Variants in UNC13C observed in about 807,000 individuals in gnomAD.
UNC13C encodes unc-13 homolog C.
In UNC13C, 174 loss-of-function variants were observed where a neutral mutation model predicts 245.4. The ratio of observed to expected loss-of-function variants is 0.71; its 90% CI spans 0.63 to 0.80. The LOEUF is 0.80. Among genes scored for constraint, UNC13C ranks in the 30% least tolerant of loss-of-function variants. The probability of loss-of-function intolerance (pLI) is 0.00; values close to 1 mark genes in which losing one functional copy is unlikely to be tolerated. For synonymous variants in UNC13C, 992 were observed against 895.1 expected, an observed-to-expected ratio of 1.11 and a Z score of -1.93; for missense variants, 2,829 against 2,602.9, an observed-to-expected ratio of 1.09 and a Z score of -1.89.
At chr15:53,945,040 G>C in the UNC13C span, among the ~76,000 whole-genome samples, 1 of 152,088 alleles carries the variant, frequency 6.6e-6, no homozygotes, top group African/African-American at 2.4e-5. Flanking sequence ...TTATATGCTT[G>C]TTGGCTGCAT....
intron 4 of UNC13C, among the ~76,000 whole-genome samples, chr15:54,203,119 A>G (rs1168704108): frequency 2.0e-5 from 3 of 152,050 alleles, no homozygotes; most frequent in South Asian, 2.1e-4. Context: ...AATCAAAACC[A>G]TAATGCAATA....
At chr15:54,145,412 G>C (rs887664305) in intron 4 of UNC13C, among the ~76,000 whole-genome samples, 1 of 152,026 alleles carries the variant, frequency 6.6e-6, no homozygotes, top group Non-Finnish European at 1.5e-5. Flanking sequence ...AAGTGATTAA[G>C]ATGTTATTTC....
At chr15:54,070,593 TA>T (rs1276908424) in intron 2 of UNC13C, among the ~76,000 whole-genome samples, 5 of 152,176 alleles carry the variant, frequency 3.3e-5, no homozygotes, top group African/African-American at 1.2e-4. Flanking sequence ...TTTTTAATCC[TA>T]AAAAATTTAC....
At chr15:54,236,031 AT>A (rs1164503505) in intron 5 of UNC13C, among the ~76,000 whole-genome samples, 2 of 151,478 alleles carry the variant, frequency 1.3e-5, no homozygotes, top group Non-Finnish European at 2.9e-5. Context: ...AAAAAAAAAA[AT>A]CATCGTGAAA....
the UNC13C span, among the ~76,000 whole-genome samples, chr15:53,878,089 G>A: frequency 1.3e-5 from 2 of 151,982 alleles, no homozygotes; most frequent in Non-Finnish European, 2.9e-5. Flanking sequence ...CATGAAACTT[G>A]CATTTTTTAA....
chr15:54,195,591 G>A (rs1156458055), intron 4 of UNC13C, among the ~76,000 whole-genome samples: 2 of 152,062 alleles, frequency 1.3e-5, no homozygotes, highest in African/African-American at 4.8e-5. Context: ...CAGGTACAAG[G>A]TAAGCCACGC....
At chr15:54,413,999 A>G (rs535383643) in intron 18 of UNC13C, among the ~76,000 whole-genome samples, 3 of 152,310 alleles carry the variant, frequency 2.0e-5, no homozygotes, top group South Asian at 2.1e-4. Flanking sequence ...CATTGGGCTT[A>G]TATTATTAAG....
At chr15:54,277,217 T>G (rs747895214) in intron 10 of UNC13C, among the ~76,000 whole-genome samples, 5 of 152,176 alleles carry the variant, frequency 3.3e-5, no homozygotes, top group Non-Finnish European at 7.4e-5. Context: ...CCTTTAGTCT[T>G]CATTATATGT....
At chr15:53,868,990 G>A in the UNC13C span, among the ~76,000 whole-genome samples, 5 of 152,102 alleles carry the variant, frequency 3.3e-5, no homozygotes, top group Non-Finnish European at 7.4e-5. Context: ...CATGCCTGTA[G>A]TCTGGGCTAC....
chr15:54,365,762 G>GA lies in UNC13C; in HGVS notation c.4714-27273dup, dbSNP rs796539719. ...TGCTCCCCGCTCAAAAAGAAAAAAAGAAAAAAAAAAAAACTTGACCCAAGA... is the reference window on the plus strand; with the variant it reads ...TGCTCCCCGCTCAAAAAGAAAAAAAGAAAAAAAAAAAAAACTTGACCCAAGA... On this transcript the variant is annotated intron_variant, in intron 17 of 32. Coordinates refer to ENST00000260323, the MANE Select transcript of UNC13C (RefSeq NM_001080534.3). 3.6e-3 allele frequency among the ~76,000 whole-genome samples: 481 copies of GA among 133,654 alleles called. 3 individuals carry two copies. Among genetic ancestry groups the GA allele is most frequent in the East Asian group, 0.026 (122 of 4,630 alleles). 87.7% of individuals were successfully genotyped at this position (133,654 alleles called of 152,430 possible). A position where few individuals can be genotyped will look rare whatever the true frequency, so the allele number is the denominator to read the frequency against.
intron 19 of UNC13C, among the ~76,000 whole-genome samples, chr15:54,490,823 TTAAG>T (rs1357649230): frequency 6.6e-6 from 1 of 152,114 alleles, no homozygotes; most frequent in African/African-American, 2.4e-5. Flanking sequence ...AGTATCCCAT[TTAAG>T]TAAGAAAAAT....
chr15:54,403,573 A>G (rs533807657), intron 18 of UNC13C, among the ~76,000 whole-genome samples: 1 of 151,906 alleles, frequency 6.6e-6, no homozygotes, highest in South Asian at 2.1e-4. Flanking sequence ...AAAATTAGCC[A>G]GGCATTTTGC....
chr15:54,156,302 C>A (rs11071051), intron 4 of UNC13C, among the ~76,000 whole-genome samples: 53 of 152,132 alleles, frequency 3.5e-4, no homozygotes, highest in Non-Finnish European at 2.2e-4. Flanking sequence ...ATCACTGTAA[C>A]GCCTACTCAT....
At chr15:54,118,216 A>C (rs561875193) in intron 2 of UNC13C, among the ~76,000 whole-genome samples, 1 of 151,930 alleles carries the variant, frequency 6.6e-6, no homozygotes, top group South Asian at 2.1e-4. Context: ...TTTCATAGTG[A>C]GTATATTTAA....
chr15:54,089,119 C>T (rs1213791484), intron 2 of UNC13C, among the ~76,000 whole-genome samples: 2 of 152,168 alleles, frequency 1.3e-5, no homozygotes, highest in African/African-American at 4.8e-5. Context: ...CTGCATGCTC[C>T]TGCTTTGATA....
At position 54,488,241 on chromosome 15, in the gene UNC13C, G is replaced by A. The variant is rs565671664; in HGVS notation, c.4934-6367G>A. Among the ~76,000 whole-genome samples the A allele has an allele frequency of 1.5e-3, 226 of 152,154 alleles. 3 individuals carry two copies. The highest frequency in any genetic ancestry group is 6.5e-4 in the African/African-American group (27 of 41,546). Reference sequence around the variant, plus strand: ...TAGTCTGTCATAGTTTAGAACCAACGTTTCCTGGTGATAAAATTTTGTGTT... The same window carrying A: ...TAGTCTGTCATAGTTTAGAACCAACATTTCCTGGTGATAAAATTTTGTGTT... On this transcript the variant is annotated intron_variant, in intron 19 of 32. Transcript: ENST00000260323.
chr15:54,291,795 C>A (rs183413793), intron 10 of UNC13C, among the ~76,000 whole-genome samples: 1 of 151,884 alleles, frequency 6.6e-6, no homozygotes, highest in Non-Finnish European at 1.5e-5. Flanking sequence ...TCATAATGAC[C>A]TATTTTATGC....
intron 2 of UNC13C, among the ~76,000 whole-genome samples, chr15:54,108,218 G>A (rs1297975517): frequency 1.3e-5 from 2 of 151,786 alleles, no homozygotes; most frequent in South Asian, 4.2e-4. Context: ...ACAGAGTCTC[G>A]CTCTGTCGCC....
chr15:54,303,735 G>T (rs190940038), intron 13 of UNC13C, among the ~76,000 whole-genome samples: 4 of 151,566 alleles, frequency 2.6e-5, no homozygotes. Flanking sequence ...CAAGGTGGTC[G>T]GGGCACAGCT....
Sources: allele counts gnomAD v4.1 joint callset (sites outside exome capture counted in the v4.1 genomes callset), GRCh38; gene constraint gnomAD v4.1.1; transcripts MANE v1.5; gene names NCBI Gene and HGNC (gene_info 2026-07-23, HGNC 2026-07-21).